NRXN1: variants seen among roughly 807,000 people sequenced by gnomAD.
The protein encoded by NRXN1 is neurexin-1.
In NRXN1, 39 loss-of-function variants were observed where a neutral mutation model predicts 150.9. That is an observed-to-expected ratio of 0.26 (90% CI 0.20 to 0.34). The LOEUF (loss-of-function observed/expected upper bound fraction) is 0.34, where lower values mean the gene tolerates loss of function less well. NRXN1 is among the 10% of genes least tolerant of loss of function. The pLI, the probability that NRXN1 is intolerant of heterozygous loss-of-function variation, is 1.00. For missense variants in NRXN1, 1,815 were observed against 1,949.9 expected (o/e 0.93, Z 1.30); for synonymous variants, 924 against 757.0 (o/e 1.22, Z -3.62).
Position 50,079,375 on chromosome 2 carries a change from A to G in NRXN1, c.3718+11948T>C, listed in dbSNP as rs532513025. Among the ~76,000 whole-genome samples the G allele has an allele frequency of 2.6e-5, 4 of 152,194 alleles. No individual in the cohort carries two copies. In the East Asian group the frequency reaches 5.8e-4, roughly 22 times the overall value. On this transcript the variant is annotated intron_variant, in intron 19 of 22. Coordinates refer to ENST00000401669, the MANE Select transcript of NRXN1 (RefSeq NM_001330078.2). ...CACAGCCACACCCATTCATTTTCCT[A>G]TTAGCTATTGTTGCTTTTGAGCTAT...
At chr2:50,041,983 T>G (rs1691045747) in intron 21 of NRXN1, among the ~76,000 whole-genome samples, 1 of 152,194 alleles carries the variant, frequency 6.6e-6, no homozygotes, top group African/African-American at 2.4e-5. Context: ...TTCCTAGTCT[T>G]ATGAGAAGAA....
At chr2:50,304,928 A>C (rs1357123057) in intron 17 of NRXN1, among the ~76,000 whole-genome samples, 2 of 152,140 alleles carry the variant, frequency 1.3e-5, no homozygotes, top group African/African-American at 4.8e-5. Flanking sequence ...CGTGTCTACT[A>C]AAAATACAAA....
chr2:50,746,071 G>C (rs937627620), intron 5 of NRXN1, among the ~76,000 whole-genome samples: 7 of 152,122 alleles, frequency 4.6e-5, no homozygotes, highest in African/African-American at 1.7e-4. Flanking sequence ...CAATTTCTGA[G>C]CTAAAACTTT....
At chr2:50,673,248 T>C (rs1689102974) in intron 5 of NRXN1, among the ~76,000 whole-genome samples, 1 of 152,264 alleles carries the variant, frequency 6.6e-6, no homozygotes, top group Non-Finnish European at 1.5e-5. Context: ...CAATTTATTA[T>C]GTGAGAAATT....
chr2:50,796,254 A>C (rs781239827), intron 5 of NRXN1, among the ~76,000 whole-genome samples: 15 of 152,302 alleles, frequency 9.8e-5, no homozygotes, highest in Non-Finnish European at 1.5e-4. Context: ...GTTAATTTTT[A>C]TACTTCTTTA....
At chr2:50,449,651 A>C (rs1465565716) in intron 17 of NRXN1, among the ~76,000 whole-genome samples, 1 of 152,166 alleles carries the variant, frequency 6.6e-6, no homozygotes, top group Non-Finnish European at 1.5e-5. Context: ...ATGGGAGTGC[A>C]TGTGCAGGTT....
intron 21 of NRXN1, among the ~76,000 whole-genome samples, chr2:49,992,894 G>A (rs1682250399): frequency 6.6e-6 from 1 of 152,138 alleles, no homozygotes; most frequent in Non-Finnish European, 1.5e-5. Context: ...CCAAAATCTG[G>A]AACACTGACA....
chr2:50,964,459 G>A (rs903915831), intron 2 of NRXN1, among the ~76,000 whole-genome samples: 1 of 151,484 alleles, frequency 6.6e-6, no homozygotes, highest in Non-Finnish European at 1.5e-5. Context: ...TTTAAAGGAT[G>A]TAACTTTTTC....
Position 50,605,551 on chromosome 2 carries a change from C to T in NRXN1, c.1320+14471G>A, listed in dbSNP as rs528753013. On this transcript the variant is annotated intron_variant, in intron 8 of 22. Coordinates refer to ENST00000401669, the MANE Select transcript of NRXN1 (RefSeq NM_001330078.2). The stretch of plus-strand genomic sequence containing the variant: ...AAAAGATACCCAACGTCAGTAATCA[C>T]CAGAGAAATGCAAATTAAAACTACA... Among the ~76,000 whole-genome samples, 13 of 152,138 alleles carry T rather than the reference C, an allele frequency of 8.5e-5. 1 individual carries two copies. In the South Asian group the frequency reaches 2.3e-3, roughly 27 times the overall value.
intron 18 of NRXN1, among the ~76,000 whole-genome samples, chr2:50,219,979 T>A (rs1469525289): frequency 2.1e-5 from 1 of 47,154 alleles, no homozygotes; most frequent in African/African-American, 2.1e-4. Context: ...ATATATAATA[T>A]ATATATTATA....
intron 17 of NRXN1, among the ~76,000 whole-genome samples, chr2:50,396,121 C>CAGCAA (rs1194371089): frequency 6.6e-6 from 1 of 152,142 alleles, no homozygotes; most frequent in African/African-American, 2.4e-5. Context: ...AGAAAGCTGG[C>CAGCAA]TGCTACCCAA....
chr2:50,096,769 T>C (rs1700282403), intron 18 of NRXN1, among the ~76,000 whole-genome samples: 1 of 152,220 alleles, frequency 6.6e-6, no homozygotes, highest in Non-Finnish European at 1.5e-5. Context: ...AAAGATTATA[T>C]TATTAAACCA....
intron 19 of NRXN1, among the ~76,000 whole-genome samples, chr2:50,086,651 C>T (rs1230888189): frequency 6.6e-6 from 1 of 152,156 alleles, no homozygotes; most frequent in Non-Finnish European, 1.5e-5. Flanking sequence ...ATCTCCCAAT[C>T]AGACTAATCT....
intron 5 of NRXN1, among the ~76,000 whole-genome samples, chr2:50,755,078 C>A (rs540443688): frequency 3.9e-4 from 59 of 151,858 alleles, no homozygotes; most frequent in Non-Finnish European, 1.6e-4. Context: ...GGTTTCTTCA[C>A]CTATATTCAT....
At chr2:49,989,848 A>C (rs1681614901) in intron 21 of NRXN1, among the ~76,000 whole-genome samples, 1 of 152,124 alleles carries the variant, frequency 6.6e-6, no homozygotes. Flanking sequence ...TAGTGACACC[A>C]ATTTTTATCT....
chr2:50,382,062 T>G (rs2081011556), intron 17 of NRXN1, among the ~76,000 whole-genome samples: 1 of 151,922 alleles, frequency 6.6e-6, no homozygotes, highest in Non-Finnish European at 1.5e-5. Flanking sequence ...GCAGAGAGAG[T>G]TGCTCAATCT....
At chr2:50,881,181 C>G (rs895244307) in intron 5 of NRXN1, among the ~76,000 whole-genome samples, 1 of 151,920 alleles carries the variant, frequency 6.6e-6, no homozygotes, top group Non-Finnish European at 1.5e-5. Context: ...TGCTTAAAAG[C>G]ATAATACGTT....
chr2:50,140,823 T>C (rs551799805), intron 18 of NRXN1, among the ~76,000 whole-genome samples: 176 of 152,174 alleles, frequency 1.2e-3, no homozygotes, highest in African/African-American at 4.2e-3. Context: ...GAAGGACAAT[T>C]AATTTACAAT....
intron 17 of NRXN1, among the ~76,000 whole-genome samples, chr2:50,265,119 G>A (rs2068704616): frequency 6.6e-6 from 1 of 152,034 alleles, no homozygotes; most frequent in African/African-American, 2.4e-5. Flanking sequence ...ATCATATGAA[G>A]AAGTATAGAA....
Sources: allele counts gnomAD v4.1 joint callset (sites outside exome capture counted in the v4.1 genomes callset), GRCh38; gene constraint gnomAD v4.1.1; transcripts MANE v1.5; gene names NCBI Gene and HGNC (gene_info 2026-07-23, HGNC 2026-07-21).